DLGAP2: variants seen among roughly 807,000 people sequenced by gnomAD.
DLGAP2 encodes disks large-associated protein 2.
In DLGAP2, 26 loss-of-function variants were observed where a neutral mutation model predicts 100.3. The ratio of observed to expected loss-of-function variants is 0.26; its 90% confidence interval spans 0.19 to 0.36. DLGAP2 has a LOEUF of 0.36. DLGAP2 is among the 10% of genes least tolerant of loss of function. The pLI is 1.00. For missense variants in DLGAP2, 1,858 were observed against 1,453.2 expected, an observed-to-expected ratio of 1.28 and a Z score of -4.53; for synonymous variants, 886 against 630.1, an observed-to-expected ratio of 1.41 and a Z score of -6.08.
At chr8:1,046,614 G>C (rs529711298) in intron 2 of DLGAP2, among the ~76,000 whole-genome samples, 8 of 152,342 alleles carry the variant, frequency 5.3e-5, no homozygotes, top group African/African-American at 1.9e-4. Context: ...CCCAGATGCT[G>C]TTGGAGATGT....
chr8:1,181,441 C>T (rs1797385448), intron 2 of DLGAP2, among the ~76,000 whole-genome samples: 1 of 152,136 alleles, frequency 6.6e-6, no homozygotes, highest in Admixed American at 6.5e-5. Context: ...CACGTGATCT[C>T]ATTCTTTTTA....
At chr8:1,537,899 C>T (rs1801211213) in intron 4 of DLGAP2, among the ~76,000 whole-genome samples, 1 of 152,126 alleles carries the variant, frequency 6.6e-6, no homozygotes, top group Non-Finnish European at 1.5e-5. Flanking sequence ...AGAAGATGCT[C>T]ATAGGAGAAG....
chr8:861,791 C>G (rs868367288), intron 1 of DLGAP2, among the ~76,000 whole-genome samples: 33 of 152,214 alleles, frequency 2.2e-4, no homozygotes, highest in African/African-American at 7.2e-4. Context: ...CAGGACACAC[C>G]TAACCTCCCG....
At chr8:1,459,674 C>A (rs1798417887) in intron 3 of DLGAP2, among the ~76,000 whole-genome samples, 1 of 142,178 alleles carries the variant, frequency 7.0e-6, no homozygotes, top group Admixed American at 7.4e-5. Flanking sequence ...ATTTTAAATT[C>A]TGTTGTTTTC....
intron 4 of DLGAP2, among the ~76,000 whole-genome samples, chr8:1,526,080 G>A (rs1260346610): frequency 1.3e-5 from 2 of 151,508 alleles, no homozygotes; most frequent in Non-Finnish European, 2.9e-5. Context: ...CGTCACCGTG[G>A]CAGCCAGTAA....
At chr8:805,760 C>T (rs555815123) in intron 1 of DLGAP2, among the ~76,000 whole-genome samples, 3 of 152,146 alleles carry the variant, frequency 2.0e-5, no homozygotes, top group African/African-American at 4.8e-5. Context: ...CCAAGCAGTC[C>T]GCCGGCCTTG....
At chr8:1,504,110 G>A (rs1430801715) in intron 4 of DLGAP2, among the ~76,000 whole-genome samples, 1 of 151,514 alleles carries the variant, frequency 6.6e-6, no homozygotes, top group Non-Finnish European at 1.5e-5. Context: ...ATCACTTGGG[G>A]AAAGTTTAAA....
intron 3 of DLGAP2, among the ~76,000 whole-genome samples, chr8:1,298,354 C>T (rs1363638128): frequency 1.3e-5 from 2 of 152,200 alleles, no homozygotes; most frequent in African/African-American, 4.8e-5. Context: ...AGGCCGCGTC[C>T]TTCCACATGA....
At chr8:1,506,449 G>A (rs758129288) in intron 4 of DLGAP2, among the ~76,000 whole-genome samples, 5 of 152,142 alleles carry the variant, frequency 3.3e-5, no homozygotes, top group Middle Eastern at 3.2e-3. Context: ...CCTTCTGGTC[G>A]GTTTGTGGTC....
At chr8:993,768 A>G (rs1171796598) in intron 2 of DLGAP2, among the ~76,000 whole-genome samples, 2 of 143,900 alleles carry the variant, frequency 1.4e-5, no homozygotes, top group African/African-American at 2.6e-5. Flanking sequence ...TTAAGACACC[A>G]TGCAAGCAAA....
At chr8:1,639,197 A>T (rs1435673575) in intron 8 of DLGAP2, among the ~76,000 whole-genome samples, 7 of 151,942 alleles carry the variant, frequency 4.6e-5, no homozygotes, top group African/African-American at 7.3e-5. Context: ...ACCCCCGAAC[A>T]GGAGGGTATA....
Position 870,262 on chromosome 8 carries a change from C to T in DLGAP2, c.19-37650C>T, listed in dbSNP as rs373686446. Among the ~76,000 whole-genome samples, 19 of 152,292 alleles carry T rather than the reference C, an allele frequency of 1.2e-4. 1 individual carries two copies. The South Asian group carries it at 3.7e-3, about 30-fold the overall frequency. On this transcript the variant is annotated intron_variant, in intron 1 of 14. Transcript: ENST00000637795. ...CTGAGCTGTCATCACTTAACAAGTG[C>T]GGTTATTACAATCATGCAGATGATG...
intron 12 of DLGAP2, among the ~76,000 whole-genome samples, chr8:1,687,193 T>TA (rs1320548199): frequency 2.0e-5 from 3 of 152,210 alleles, no homozygotes; most frequent in Non-Finnish European, 4.4e-5. Context: ...GCAAATTTTA[T>TA]AAAAATCCAT....
intron 2 of DLGAP2, among the ~76,000 whole-genome samples, chr8:1,206,153 T>G (rs917606322): frequency 6.6e-6 from 1 of 152,098 alleles, no homozygotes; most frequent in African/African-American, 2.4e-5. Context: ...ACAAAGGAGT[T>G]TGAAGGGAAG....
chr8:1,295,020 T>C (rs1800139503), intron 3 of DLGAP2, among the ~76,000 whole-genome samples: 3 of 152,158 alleles, frequency 2.0e-5, no homozygotes, highest in African/African-American at 7.2e-5. Context: ...TCATTGTTAA[T>C]AGAAGGGTGA....
chr8:1,187,894 G>A (rs374257279), intron 2 of DLGAP2, among the ~76,000 whole-genome samples: 21 of 109,014 alleles, frequency 1.9e-4, no homozygotes, highest in South Asian at 9.1e-4. Context: ...AATCTCACAC[G>A]CCCGGGACCT....
intron 8 of DLGAP2, among the ~76,000 whole-genome samples, chr8:1,666,967 C>G (rs999258455): frequency 3.9e-5 from 6 of 152,180 alleles, no homozygotes; most frequent in Non-Finnish European, 8.8e-5. Flanking sequence ...AACTGCTGCT[C>G]GGTCTGTCCT....
intron 2 of DLGAP2, among the ~76,000 whole-genome samples, chr8:1,175,552 T>A (rs1220542571): frequency 6.6e-6 from 1 of 152,226 alleles, no homozygotes; most frequent in Non-Finnish European, 1.5e-5. Context: ...AACATTGTGT[T>A]CTAGCTCTAT....
intron 6 of DLGAP2, among the ~76,000 whole-genome samples, chr8:1,616,090 A>G (rs946388974): frequency 6.6e-6 from 1 of 152,250 alleles, no homozygotes; most frequent in Admixed American, 6.5e-5. Flanking sequence ...TTTCAAGAAC[A>G]GAAAACCACA....
Sources: allele counts gnomAD v4.1 joint callset (sites outside exome capture counted in the v4.1 genomes callset), GRCh38; gene constraint gnomAD v4.1.1; transcripts MANE v1.5; gene names NCBI Gene and HGNC (gene_info 2026-07-23, HGNC 2026-07-21).